Variants in TEX2 observed in about 807,000 individuals in gnomAD.
The protein encoded by TEX2 is testis expressed 2.
Under a neutral mutation model 106.9 loss-of-function variants are expected in TEX2, and 53 were observed. That is an observed-to-expected ratio of 0.50 (90% CI 0.40 to 0.62). The LOEUF is 0.62. TEX2 is among the 20% of genes least tolerant of loss of function. The pLI, the probability that TEX2 is intolerant of heterozygous loss-of-function variation, is 0.00. For missense variants in TEX2, 1,207 were observed against 1,379.0 expected, an observed-to-expected ratio of 0.88 and a Z score of 1.98; for synonymous variants, 523 against 534.8, an observed-to-expected ratio of 0.98 and a Z score of 0.30.
intron 5 of TEX2, among the ~76,000 whole-genome samples, chr17:64,180,354 C>T (rs1598147877): frequency 6.6e-6 from 1 of 152,196 alleles, no homozygotes; most frequent in Non-Finnish European, 1.5e-5. Flanking sequence ...AATGTATGTC[C>T]AAGCCAATGG....
chr17:64,249,511 G>C (rs1430010878), intron 1 of TEX2, among the ~76,000 whole-genome samples: 1 of 152,022 alleles, frequency 6.6e-6, no homozygotes, highest in South Asian at 2.1e-4. Flanking sequence ...TGGAGCTGTG[G>C]GTCAACAAAT....
chr17:64,158,689 C>T (rs894849412), intron 8 of TEX2, among the ~76,000 whole-genome samples: 1 of 152,166 alleles, frequency 6.6e-6, no homozygotes, highest in Non-Finnish European at 1.5e-5. Flanking sequence ...CAGAGATTCA[C>T]AATGCTCCTA....
At chr17:64,218,789 ACT>A (rs2033266573) in intron 1 of TEX2, among the ~76,000 whole-genome samples, 1 of 151,550 alleles carries the variant, frequency 6.6e-6, no homozygotes, top group Non-Finnish European at 1.5e-5. Context: ...CCAACTGGAG[ACT>A]CTTCCTCAAG....
At chr17:64,211,243 G>A (rs566660916) in intron 2 of TEX2, among the ~76,000 whole-genome samples, 83 of 152,254 alleles carry the variant, frequency 5.5e-4, no homozygotes, top group Admixed American at 9.8e-4. Flanking sequence ...TTACAGGCGT[G>A]AGCCACCATG....
At chr17:64,241,939 T>C (rs1279671978) in intron 1 of TEX2, among the ~76,000 whole-genome samples, 1 of 152,204 alleles carries the variant, frequency 6.6e-6, no homozygotes, top group Non-Finnish European at 1.5e-5. Context: ...GGCTCTCTCT[T>C]TATTTTTGAG....
At chr17:64,228,908 C>T (rs1295016394) in intron 1 of TEX2, among the ~76,000 whole-genome samples, 2 of 147,832 alleles carry the variant, frequency 1.4e-5, no homozygotes, top group African/African-American at 5.0e-5. Context: ...CTCCTATGGC[C>T]TATACCTATG....
At position 64,185,511 on chromosome 17, in the gene TEX2, A is replaced by G. The variant is rs549318796; in HGVS notation, c.2424+2657T>C. On this transcript the variant is annotated intron_variant, in intron 5 of 11. Transcript: ENST00000584379. This position sits in a 1 kb window ranked among gnomAD's most constrained non-coding sequence, Gnocchi z 4.0. Reference sequence around the variant, plus strand: ...TCCCCTTCCAAACCAGGCACTAAACATTTGGAAAACTAGGCCCTTGCCCCC... The same window carrying G: ...TCCCCTTCCAAACCAGGCACTAAACGTTTGGAAAACTAGGCCCTTGCCCCC... Among the ~76,000 whole-genome samples, 9 of 152,304 alleles carry G rather than the reference A, an allele frequency of 5.9e-5. No individual in the cohort carries two copies. The South Asian group carries it at 1.9e-3, about 32-fold the overall frequency.
At chr17:64,208,079 C>A (rs573942827) in intron 2 of TEX2, among the ~76,000 whole-genome samples, 91 of 152,260 alleles carry the variant, frequency 6.0e-4, no homozygotes, top group African/African-American at 2.1e-3. Context: ...GAGGGCAGCA[C>A]TGCGTGAGCA....
rs1397328520 is a variant in TEX2, at chr17:64,151,060, AC to A, written c.3141-100del. On this transcript the variant is annotated intron_variant, in intron 10 of 11. Coordinates refer to ENST00000584379, the MANE Select transcript of TEX2 (RefSeq NM_001288732.2). ...CTCATTTACATGGGGCTTTATCACT[AC>A]TTAAAATGTTATTTTCTTCTGAAAA... 4 of 1,326,752 alleles carry A rather than the reference AC, an allele frequency of 3.0e-6. No individual in the cohort carries two copies. In the East Asian group the frequency reaches 9.5e-5, roughly 32 times the overall value. 82.2% of individuals were successfully genotyped at this position (1,326,752 alleles called of 1,614,324 possible). A position where few individuals can be genotyped will look rare whatever the true frequency, so the allele number is the denominator to read the frequency against.
At position 64,188,351 on chromosome 17, in the gene TEX2, G is replaced by A. The variant is rs1477651267; in HGVS notation, c.2241C>T (p.Ser747=). 1.2e-6 allele frequency: 2 copies of A among 1,614,174 alleles called. No individual in the cohort carries two copies. Among genetic ancestry groups the A allele is most frequent in the Admixed American group, 3.3e-5 (2 of 60,024 alleles). Residue 747 remains serine (S), a synonymous_variant, in exon 5 of 12, where the codon AGC becomes AGT. Transcript: ENST00000584379. ...PSGHLTHSRS[S]SKGSVEEIMS... is the part of the protein sequence containing the mutation. The stretch of plus-strand genomic sequence containing the variant: ...TGATCTCCTCCACACTGCCTTTGCT[G>A]CTGCTGCGGCTGTGGGTCAGGTGCC...
intron 7 of TEX2, among the ~76,000 whole-genome samples, chr17:64,164,309 G>A (rs1038168274): frequency 1.1e-4 from 17 of 152,000 alleles, no homozygotes; most frequent in African/African-American, 2.7e-4. Flanking sequence ...ATGGTGGTGC[G>A]CACCTGTAGT....
At chr17:64,154,293 A>C (rs1293217554) in intron 9 of TEX2, among the ~76,000 whole-genome samples, 1 of 152,256 alleles carries the variant, frequency 6.6e-6, no homozygotes, top group Admixed American at 6.5e-5. Context: ...TATGTAATTA[A>C]AAGATCATTG....
At chr17:64,156,852 C>T (rs1273471717) in intron 8 of TEX2, among the ~76,000 whole-genome samples, 1 of 152,190 alleles carries the variant, frequency 6.6e-6, no homozygotes, top group Admixed American at 6.5e-5. Flanking sequence ...TCCTTGTGTC[C>T]CCACTGGGCC....
chr17:64,149,528 C>G (rs993729568), intron 11 of TEX2: 2 of 154,908 alleles, frequency 1.3e-5, no homozygotes, highest in African/African-American at 4.8e-5. Flanking sequence ...GCCTGTAATC[C>G]CAGTACTTTG....
intron 1 of TEX2, among the ~76,000 whole-genome samples, chr17:64,224,850 C>T (rs782190729): frequency 6.6e-6 from 1 of 151,786 alleles, no homozygotes; most frequent in Non-Finnish European, 1.5e-5. Context: ...ATAACAAAAT[C>T]AAATTCAATT....
At chr17:64,233,737 C>G (rs2033707729) in intron 1 of TEX2, among the ~76,000 whole-genome samples, 1 of 152,202 alleles carries the variant, frequency 6.6e-6, no homozygotes. Context: ...CAAGTGCTTT[C>G]TAACAGGCTA....
chr17:64,219,903 T>C (rs1315338029), intron 1 of TEX2, among the ~76,000 whole-genome samples: 2 of 152,206 alleles, frequency 1.3e-5, no homozygotes, highest in African/African-American at 2.4e-5. Flanking sequence ...TTACTTCCCA[T>C]GGCAACAGAG....
chr17:64,215,708 T>C (rs2033165990), intron 1 of TEX2, among the ~76,000 whole-genome samples: 2 of 152,226 alleles, frequency 1.3e-5, no homozygotes, highest in South Asian at 4.1e-4. Flanking sequence ...TACACGTTTA[T>C]GTTTACAGGT....
intron 5 of TEX2, among the ~76,000 whole-genome samples, chr17:64,179,629 G>C (rs1161710619): frequency 6.6e-6 from 1 of 152,154 alleles, no homozygotes; most frequent in East Asian, 1.9e-4. Context: ...CATTGCCACA[G>C]CCTGTGCCCT....
Sources: gnomAD v4.1 joint callset for allele counts (sites outside exome capture counted in the v4.1 genomes callset) on GRCh38, gnomAD v4.1.1 for gene constraint, Gnocchi (gnomAD v3.1) non-coding constraint, MANE v1.5 for transcripts, NCBI Gene and HGNC (gene_info 2026-07-23, HGNC 2026-07-21) for gene names.